The following SIK3 variants were observed in gnomAD, a reference collection of about 807,000 sequenced individuals.
SIK3 encodes SIK family kinase 3, also known as serine/threonine-protein kinase SIK3.
Under a neutral mutation model 144.2 loss-of-function variants are expected in SIK3, and 28 were observed. The ratio of observed to expected loss-of-function variants is 0.19; its 90% CI spans 0.14 to 0.27. SIK3 has a LOEUF of 0.27. Ranked by LOEUF, SIK3 falls within the 10% of genes least tolerant of loss-of-function variation. The pLI, the probability that SIK3 is intolerant of heterozygous loss-of-function variation, is 1.00. For synonymous variants in SIK3, 686 were observed against 676.3 expected, an observed-to-expected ratio of 1.01 and a Z score of -0.22; for missense variants, 1,319 against 1,776.0, an observed-to-expected ratio of 0.74 and a Z score of 4.62.
intron 4 of SIK3, among the ~76,000 whole-genome samples, chr11:116,912,984 T>C (rs1447236137): frequency 1.3e-5 from 2 of 152,222 alleles, no homozygotes; most frequent in East Asian, 3.8e-4. Context: ...TAATAAGGAA[T>C]TAAATCTGCT....
rs58587995 is a variant in SIK3, at chr11:116,965,734, A to AATAT, written c.274-8674_274-8671dup. Among the ~76,000 whole-genome samples the AATAT allele has an allele frequency of 3.9e-3, 465 of 118,090 alleles. 2 individuals are homozygous for AATAT. Among genetic ancestry groups the AATAT allele is most frequent in the East Asian group, 9.2e-3 (29 of 3,148 alleles). 77.5% of individuals were successfully genotyped at this position (118,090 alleles called of 152,430 possible). ...CATGGTGAAAACCCGTCTCTGCTAAAATATATATATATATATATATATATA... is the reference window on the plus strand; with the variant it reads ...CATGGTGAAAACCCGTCTCTGCTAAAATATATATATATATATATATATATATATA... On this transcript the variant is annotated intron_variant, in intron 1 of 24. Coordinates refer to ENST00000445177, the MANE Select transcript of SIK3 (RefSeq NM_001366686.3).
At chr11:117,087,264 T>C (rs1186533755) in intron 1 of SIK3, among the ~76,000 whole-genome samples, 1 of 151,640 alleles carries the variant, frequency 6.6e-6, no homozygotes, top group Non-Finnish European at 1.5e-5. Flanking sequence ...GCCAACATGG[T>C]GAAACCCATC....
At chr11:116,894,224 ATGTTCC>A (rs1221099522) in intron 6 of SIK3, among the ~76,000 whole-genome samples, 3 of 152,272 alleles carry the variant, frequency 2.0e-5, no homozygotes, top group Non-Finnish European at 4.4e-5. Flanking sequence ...AAATAGCGGT[ATGTTCC>A]AGAGTTTAAT....
chr11:117,051,635 T>C (rs1181276744), intron 1 of SIK3, among the ~76,000 whole-genome samples: 3 of 151,908 alleles, frequency 2.0e-5, no homozygotes, highest in African/African-American at 7.3e-5. Flanking sequence ...TTCAAGTGAT[T>C]GTCTGCCTCA....
intron 4 of SIK3, among the ~76,000 whole-genome samples, chr11:116,917,365 C>T (rs1401820655): frequency 6.6e-6 from 1 of 152,082 alleles, no homozygotes; most frequent in Non-Finnish European, 1.5e-5. Flanking sequence ...TAAAACACTA[C>T]TCTAAATGGA....
intron 1 of SIK3, among the ~76,000 whole-genome samples, chr11:116,969,580 T>C (rs76521131): frequency 0.047 from 5,859 of 125,014 alleles, 346 homozygotes; most frequent in African/African-American, 0.16. Flanking sequence ...AGAGATCAAG[T>C]TGGCATTTTT....
chr11:116,880,683 G>T (rs1326352260), intron 6 of SIK3, among the ~76,000 whole-genome samples: 1 of 152,164 alleles, frequency 6.6e-6, no homozygotes, highest in Non-Finnish European at 1.5e-5. Flanking sequence ...GAAACAGGGT[G>T]AAAACGAGGG....
At position 116,876,316 on chromosome 11, in the gene SIK3, G is replaced by A. The variant is rs971442857; in HGVS notation, c.1032C>T (p.Pro344=). ...QQLKEERQVD[P]LNEDVLLAME... ...TGGCCAAGAGGACATCCTCATTCAG[G>A]GGGTCCACCTGTCTTTCTTCCTTTA... The change falls in exon 8 of 25, where the codon CCC becomes CCT. Residue 344 remains proline, a synonymous_variant. Transcript: ENST00000445177. The A allele has an allele frequency of 1.9e-6, 3 of 1,614,096 alleles. No individual in the cohort carries two copies. In the African/African-American group the frequency reaches 4.0e-5, roughly 22 times the overall value.
chr11:116,940,789 TAA>T (rs532039684), intron 3 of SIK3, among the ~76,000 whole-genome samples: 15 of 137,208 alleles, frequency 1.1e-4, no homozygotes, highest in Non-Finnish European at 1.1e-4. Context: ...GTGGGGGCAT[TAA>T]AAAAAAAAAA....
intron 14 of SIK3, 67 bp downstream of exon 14, chr11:116,870,264 G>A (rs1415565275): frequency 6.2e-7 from 1 of 1,603,444 alleles, no homozygotes; most frequent in Non-Finnish European, 8.5e-7. Context: ...GGGCAGAGGT[G>A]ACCTTTCGCT....
At position 116,846,351 on chromosome 11, in the gene SIK3, G is replaced by C. The variant is rs1175697974; in HGVS notation, c.*13+32C>G. ...TTGGGAGCAGGCACTGGGCCACAGG[G>C]CTGGTTTGGCTCTGGCCAGGGTGAC... On this transcript the variant is annotated intron_variant, in intron 24 of 24. Transcript: ENST00000445177. This position sits in a 1 kb window ranked among gnomAD's most constrained non-coding sequence, Gnocchi z 4.1. 1 of 1,602,928 alleles carries C rather than the reference G, an allele frequency of 6.2e-7. No homozygotes were observed. Among genetic ancestry groups the C allele is most frequent in the East Asian group, 2.2e-5 (1 of 44,820 alleles).
rs1428366001 is a variant in SIK3 at position 116,900,881 on chromosome 11, T to G, written c.617-3564A>C. On this transcript the variant is annotated intron_variant, in intron 4 of 24. Coordinates refer to ENST00000445177, the MANE Select transcript of SIK3 (RefSeq NM_001366686.3). ...ATATTATTTATTTTTTTTTTTTTTT[T>G]GAGACAGAGTTTCACTCTTGTTGCC... Among the ~76,000 whole-genome samples, 4 of 146,414 alleles carry G rather than the reference T, an allele frequency of 2.7e-5. No individual in the cohort carries two copies. The East Asian group carries it at 7.8e-4, about 29-fold the overall frequency.
intron 1 of SIK3, among the ~76,000 whole-genome samples, chr11:117,030,233 G>A (rs890019096): frequency 2.0e-4 from 30 of 152,146 alleles, no homozygotes; most frequent in African/African-American, 6.0e-4. Flanking sequence ...TGCCCACGTC[G>A]TGACACAGTA....
At chr11:116,939,751 T>C (rs980842265) in intron 3 of SIK3, among the ~76,000 whole-genome samples, 7 of 152,172 alleles carry the variant, frequency 4.6e-5, no homozygotes, top group Non-Finnish European at 7.3e-5. Flanking sequence ...ACAATAAATA[T>C]ATGATCAGCC....
chr11:117,033,164 G>A (rs1295664756), intron 1 of SIK3, among the ~76,000 whole-genome samples: 2 of 151,980 alleles, frequency 1.3e-5, no homozygotes, highest in African/African-American at 2.4e-5. Context: ...CTTTAAACTC[G>A]GGACCGTATA....
chr11:116,922,905 CTCTT>C lies in SIK3; in HGVS notation c.616+4310_616+4313del, dbSNP rs1166418443. On this transcript the variant is annotated intron_variant, in intron 4 of 24. Transcript: ENST00000445177. ...TACGACTAATTTCTCCTTTTCTTTTCTCTTTTTTTTTTTTTTTTTTTTTTTTTTT... is the reference window on the plus strand; with the variant it reads ...TACGACTAATTTCTCCTTTTCTTTTCTTTTTTTTTTTTTTTTTTTTTTTTT... 3.2e-3 allele frequency among the ~76,000 whole-genome samples: 376 copies of C among 118,670 alleles called. 9 individuals carry two copies. Among genetic ancestry groups the C allele is most frequent in the East Asian group, 0.025 (103 of 4,176 alleles). The allele number at this position is 118,670 out of a possible 152,430, so 77.9% of individuals were successfully genotyped here.
intron 1 of SIK3, among the ~76,000 whole-genome samples, chr11:117,052,290 C>G (rs991784895): frequency 6.6e-6 from 1 of 152,070 alleles, no homozygotes; most frequent in African/African-American, 2.4e-5. Context: ...TGAGAAAAGT[C>G]AAAGTAAGGC....
At chr11:116,928,726 C>A (rs1312442839) in intron 3 of SIK3, among the ~76,000 whole-genome samples, 1 of 152,170 alleles carries the variant, frequency 6.6e-6, no homozygotes, top group East Asian at 1.9e-4. Flanking sequence ...AAACTGCATT[C>A]TGACCACAAG....
intron 3 of SIK3, among the ~76,000 whole-genome samples, chr11:116,944,978 G>A (rs1284998991): frequency 8.2e-6 from 1 of 121,368 alleles, no homozygotes; most frequent in South Asian, 2.5e-4. Flanking sequence ...TTTTTTTTTT[G>A]AGACGGAGTC....
Sources: allele counts gnomAD v4.1 joint callset (sites outside exome capture counted in the v4.1 genomes callset), GRCh38; gene constraint gnomAD v4.1.1; non-coding constraint Gnocchi (gnomAD v3.1); transcripts MANE v1.5; gene names NCBI Gene and HGNC (gene_info 2026-07-23, HGNC 2026-07-21).